ULK4: variants seen among roughly 807,000 people sequenced by gnomAD.
ULK4 encodes unc-51 like kinase 4.
Under a neutral mutation model 160.6 loss-of-function variants are expected in ULK4, and 133 were observed. That is an observed-to-expected ratio of 0.83 (90% CI 0.72 to 0.96). ULK4 has a LOEUF of 0.96. Among genes scored for constraint, ULK4 ranks in the 40% least tolerant of loss-of-function variants. The pLI, the probability that ULK4 is intolerant of heterozygous loss-of-function variation, is 0.00. For missense variants in ULK4, 1,580 were observed against 1,499.5 expected, an observed-to-expected ratio of 1.05 and a Z score of -0.89; for synonymous variants, 534 against 539.8, an observed-to-expected ratio of 0.99 and a Z score of 0.15.
intron 34 of ULK4, among the ~76,000 whole-genome samples, chr3:41,432,768 G>A (rs896844710): frequency 3.3e-5 from 5 of 152,124 alleles, no homozygotes; most frequent in South Asian, 2.1e-4. Flanking sequence ...TATTTAATAT[G>A]TGGCAAAGGA....
chr3:41,883,261 T>C (rs564726709), intron 17 of ULK4, among the ~76,000 whole-genome samples: 1 of 152,266 alleles, frequency 6.6e-6, no homozygotes, highest in South Asian at 2.1e-4. Flanking sequence ...ATTTTTCCAA[T>C]TTTTCTTAAA....
intron 32 of ULK4, among the ~76,000 whole-genome samples, chr3:41,469,880 A>G (rs147552561): frequency 1.3e-5 from 2 of 151,190 alleles, no homozygotes; most frequent in Admixed American, 6.6e-5. Context: ...TGAAGATAGA[A>G]CATCTGAAAT....
At chr3:41,318,452 A>G (rs1263925056) in intron 35 of ULK4, among the ~76,000 whole-genome samples, 2 of 152,218 alleles carry the variant, frequency 1.3e-5, no homozygotes, top group African/African-American at 4.8e-5. Flanking sequence ...TTTGTGTTCA[A>G]AACTTCAGTT....
chr3:41,470,734 C>T (rs1249414889), intron 32 of ULK4, among the ~76,000 whole-genome samples: 1 of 152,092 alleles, frequency 6.6e-6, no homozygotes, highest in Non-Finnish European at 1.5e-5. Flanking sequence ...GGCAATAAAA[C>T]TGTAAAGCTG....
At chr3:41,605,426 CACTA>C (rs2032330268) in intron 31 of ULK4, among the ~76,000 whole-genome samples, 1 of 151,632 alleles carries the variant, frequency 6.6e-6, no homozygotes, top group Admixed American at 6.6e-5. Flanking sequence ...ATATGTCTCA[CACTA>C]ACCAAAAAAA....
intron 34 of ULK4, among the ~76,000 whole-genome samples, chr3:41,398,762 C>G (rs2082118611): frequency 6.6e-6 from 1 of 151,950 alleles, no homozygotes. Context: ...AGCACAAAAT[C>G]AGAAGGTCCT....
chr3:41,645,929 CCCTTTACCATTATGTAATGG>C (rs2034469085), intron 30 of ULK4, among the ~76,000 whole-genome samples: 1 of 152,128 alleles, frequency 6.6e-6, no homozygotes, highest in Non-Finnish European at 1.5e-5. Context: ...TTGAATTGAT[CCCTTTACCATTATGTAATGG>C]CCTTCCTGGT....
At chr3:41,557,198 A>C (rs1273686591) in intron 32 of ULK4, among the ~76,000 whole-genome samples, 1 of 152,104 alleles carries the variant, frequency 6.6e-6, no homozygotes, top group African/African-American at 2.4e-5. Context: ...AGAAATAAAA[A>C]TAAAATTAAA....
chr3:41,546,823 T>C (rs1366846398), intron 32 of ULK4, among the ~76,000 whole-genome samples: 1 of 150,476 alleles, frequency 6.6e-6, no homozygotes, highest in African/African-American at 2.4e-5. Flanking sequence ...ACCTCACGTG[T>C]TTCACTCCAC....
chr3:41,573,103 G>C (rs2088061000), intron 31 of ULK4, among the ~76,000 whole-genome samples: 1 of 152,164 alleles, frequency 6.6e-6, no homozygotes, highest in African/African-American at 2.4e-5. Context: ...ATAAACACTT[G>C]ATGGCTCTAA....
chr3:41,395,325 CAG>C (rs2082035327), intron 35 of ULK4, among the ~76,000 whole-genome samples: 1 of 151,660 alleles, frequency 6.6e-6, no homozygotes, highest in South Asian at 2.1e-4. Flanking sequence ...CTAATAATAA[CAG>C]AGATAAGTTT....
intron 31 of ULK4, among the ~76,000 whole-genome samples, chr3:41,577,143 G>T (rs1252353092): frequency 6.6e-6 from 1 of 152,120 alleles, no homozygotes; most frequent in Non-Finnish European, 1.5e-5. Context: ...TTGACTGGAA[G>T]ATTATTTAAA....
chr3:41,629,334 G>C (rs2033656630), intron 30 of ULK4, among the ~76,000 whole-genome samples: 1 of 152,190 alleles, frequency 6.6e-6, no homozygotes, highest in Admixed American at 6.5e-5. Flanking sequence ...GGAAGGCTCA[G>C]TTAATTCTGT....
chr3:41,270,080 G>T (rs558681346), intron 35 of ULK4, among the ~76,000 whole-genome samples: 1 of 152,260 alleles, frequency 6.6e-6, no homozygotes, highest in Admixed American at 6.5e-5. Flanking sequence ...CTAAGATAAG[G>T]ATGAGCAAAG....
chr3:41,389,231 C>A (rs1211347296), intron 35 of ULK4, among the ~76,000 whole-genome samples: 1 of 152,078 alleles, frequency 6.6e-6, no homozygotes, highest in Admixed American at 6.6e-5. Flanking sequence ...TGTATCCTGA[C>A]ACTTTGCTGA....
In ULK4 at chr3:41,689,104, C is replaced by A. The variant is rs140224511; in HGVS notation, c.2782-7300G>T. 3.9e-4 allele frequency among the ~76,000 whole-genome samples: 59 copies of A among 152,326 alleles called. 1 individual carries two copies. In the East Asian group the frequency reaches 0.01, roughly 26 times the overall value. Reference sequence around the variant, plus strand: ...ATGAGCCCACTTCCAGTTTCCCCTGCCAAATAGCCTCCAATCAGGGCACAC... The same window carrying A: ...ATGAGCCCACTTCCAGTTTCCCCTGACAAATAGCCTCCAATCAGGGCACAC... On this transcript the variant is annotated intron_variant, in intron 27 of 36. Coordinates refer to ENST00000301831, the MANE Select transcript of ULK4 (RefSeq NM_017886.4).
intron 34 of ULK4, among the ~76,000 whole-genome samples, chr3:41,430,908 G>T (rs977098348): frequency 1.3e-5 from 2 of 152,076 alleles, no homozygotes; most frequent in Non-Finnish European, 2.9e-5. Context: ...GAGGTTTGGG[G>T]GTGGGGGTGG....
At chr3:41,657,733 T>C (rs1041248379) in intron 30 of ULK4, among the ~76,000 whole-genome samples, 8 of 149,256 alleles carry the variant, frequency 5.4e-5, no homozygotes, top group African/African-American at 2.0e-4. Context: ...AGAGAATTAC[T>C]TGAACCCAGG....
chr3:41,508,757 T>C (rs2085478762), intron 32 of ULK4, among the ~76,000 whole-genome samples: 1 of 152,024 alleles, frequency 6.6e-6, no homozygotes, highest in African/African-American at 2.4e-5. Flanking sequence ...GGAGGCCCCA[T>C]CCCTAGGGGA....
Sources: allele counts gnomAD v4.1 joint callset (sites outside exome capture counted in the v4.1 genomes callset), GRCh38; gene constraint gnomAD v4.1.1; transcripts MANE v1.5; gene names NCBI Gene and HGNC (gene_info 2026-07-23, HGNC 2026-07-21).